Variants in COL8A1 observed in about 807,000 individuals in gnomAD.
COL8A1 encodes the protein collagen alpha-1(VIII) chain.
In COL8A1, 21 loss-of-function variants were observed where a neutral mutation model predicts 42.7. The ratio of observed to expected loss-of-function variants is 0.49; its 90% confidence interval spans 0.35 to 0.71. COL8A1 has a LOEUF of 0.71. Among genes scored for constraint, COL8A1 ranks in the 30% least tolerant of loss-of-function variants. The probability of loss-of-function intolerance (pLI) is 0.01; values close to 1 mark genes in which losing one functional copy is unlikely to be tolerated. For synonymous variants in COL8A1, 367 were observed against 369.1 expected, an observed-to-expected ratio of 0.99 and a Z score of 0.06; for missense variants, 788 against 962.4, an observed-to-expected ratio of 0.82 and a Z score of 2.40.
At chr3:99,792,199 ATACT>A (rs1438447950) in intron 3 of COL8A1, among the ~76,000 whole-genome samples, 1 of 152,256 alleles carries the variant, frequency 6.6e-6, no homozygotes, top group Non-Finnish European at 1.5e-5. Context: ...AGCTAGTATT[ATACT>A]TAGAAGATTA....
intron 1 of COL8A1, among the ~76,000 whole-genome samples, chr3:99,667,777 G>A: frequency 6.6e-6 from 1 of 152,094 alleles, no homozygotes; most frequent in Middle Eastern, 3.2e-3. Context: ...TAAATGGGCA[G>A]GTGGGTAGCT....
At chr3:99,656,487 A>G (rs2107295753) in intron 1 of COL8A1, among the ~76,000 whole-genome samples, 1 of 151,634 alleles carries the variant, frequency 6.6e-6, no homozygotes, top group South Asian at 2.1e-4. Flanking sequence ...ATCTATTTGT[A>G]TAAGAAGAAA....
intron 1 of COL8A1, among the ~76,000 whole-genome samples, chr3:99,723,219 T>C (rs1372093107): frequency 6.6e-6 from 1 of 152,136 alleles, no homozygotes; most frequent in Non-Finnish European, 1.5e-5. Context: ...AAAGATCTTA[T>C]TGGCAGTGAA....
At chr3:99,790,150 TCGTTTTATCATTCTCTGTGCA>T (rs1941972235) in intron 2 of COL8A1, among the ~76,000 whole-genome samples, 1 of 152,226 alleles carries the variant, frequency 6.6e-6, no homozygotes, top group Non-Finnish European at 1.5e-5. Flanking sequence ...TTATTCTAGC[TCGTTTTATCATTCTCTGTGCA>T]CTGCATTCGC....
intron 2 of COL8A1, among the ~76,000 whole-genome samples, chr3:99,773,839 T>TTATATATATATATA (rs1941638516): frequency 1.1e-4 from 3 of 26,904 alleles, no homozygotes; most frequent in Non-Finnish European, 2.3e-4. Context: ...ATATATATAT[T>TTATATATATATATA]TTTTTTTTTT....
chr3:99,758,265 T>C (rs755423709), intron 2 of COL8A1, among the ~76,000 whole-genome samples: 40 of 152,110 alleles, frequency 2.6e-4, no homozygotes, highest in Non-Finnish European at 3.7e-4. Flanking sequence ...TAAAAACCTT[T>C]TTTTTCTTTG....
chr3:99,748,096 T>G (rs1401780521), intron 2 of COL8A1, among the ~76,000 whole-genome samples: 1 of 152,224 alleles, frequency 6.6e-6, no homozygotes, highest in Non-Finnish European at 1.5e-5. Context: ...ATGGCAGTTA[T>G]TAACGATCCC....
chr3:99,729,085 G>C lies in COL8A1; in HGVS notation c.-128-15812G>C, dbSNP rs1940423672. On this transcript the variant is annotated intron_variant, in intron 1 of 3. Transcript: ENST00000652472. ...TCCTCAACAAGAATGAGGAATTCTG[G>C]GAAACATTTGATATATTTCCATCTA... Among the ~76,000 whole-genome samples, 3 of 151,970 alleles carry C rather than the reference G, an allele frequency of 2.0e-5. No homozygotes were observed. In the South Asian group the frequency reaches 6.2e-4, roughly 32 times the overall value.
intron 1 of COL8A1, among the ~76,000 whole-genome samples, chr3:99,711,879 A>G (rs1373750287): frequency 1.3e-5 from 2 of 152,142 alleles, no homozygotes; most frequent in Non-Finnish European, 2.9e-5. Flanking sequence ...CTTCCTAATG[A>G]TGATTTATGT....
intron 1 of COL8A1, among the ~76,000 whole-genome samples, chr3:99,729,261 T>G (rs977547314): frequency 1.2e-4 from 18 of 152,010 alleles, no homozygotes; most frequent in African/African-American, 3.9e-4. Context: ...ATGTTGCTTT[T>G]TCTCAAATTT....
chr3:99,709,039 C>A (rs557557913), intron 1 of COL8A1, among the ~76,000 whole-genome samples: 1 of 150,272 alleles, frequency 6.7e-6, no homozygotes, highest in African/African-American at 2.5e-5. Flanking sequence ...ACCCCCGCCC[C>A]GACCAAGGAA....
At chr3:99,766,416 C>T (rs918175916) in intron 2 of COL8A1, among the ~76,000 whole-genome samples, 1 of 152,194 alleles carries the variant, frequency 6.6e-6, no homozygotes, top group Non-Finnish European at 1.5e-5. Context: ...TAACAGCTCA[C>T]TCAATCCATG....
intron 1 of COL8A1, among the ~76,000 whole-genome samples, chr3:99,727,106 T>C (rs1474851983): frequency 6.6e-6 from 1 of 152,184 alleles, no homozygotes; most frequent in Non-Finnish European, 1.5e-5. Flanking sequence ...TGGTTTGTAG[T>C]TCTCCTTGAA....
At chr3:99,709,072 C>T (rs1939762419) in intron 1 of COL8A1, among the ~76,000 whole-genome samples, 1 of 149,204 alleles carries the variant, frequency 6.7e-6, no homozygotes, top group African/African-American at 2.5e-5. Context: ...TTCTGGCCAT[C>T]TTGGCCCTTT....
At chr3:99,667,948 TTATCTAA>T (rs1437991564) in intron 1 of COL8A1, among the ~76,000 whole-genome samples, 1 of 152,072 alleles carries the variant, frequency 6.6e-6, no homozygotes, top group Non-Finnish European at 1.5e-5. Flanking sequence ...ATAAAAAAAA[TTATCTAA>T]TATGCTTAAT....
rs1022202392 is a variant in COL8A1 at position 99,651,209 on chromosome 3, C to A, written c.-129+12545C>A. On this transcript the variant is annotated intron_variant, in intron 1 of 3. Coordinates refer to ENST00000652472, the MANE Select transcript of COL8A1 (RefSeq NM_020351.4). ...TCCATTATTCATTACCATCTCATTT[C>A]TTTTCCCTTTGGGGAAAAAGCATGG... Among the ~76,000 whole-genome samples, 4 of 151,580 alleles carry A rather than the reference C, an allele frequency of 2.6e-5. No homozygotes were observed. The East Asian group carries it at 5.8e-4, about 22-fold the overall frequency.
chr3:99,661,112 G>C (rs181822763), intron 1 of COL8A1, among the ~76,000 whole-genome samples: 11 of 152,108 alleles, frequency 7.2e-5, no homozygotes, highest in Admixed American at 1.3e-4. Context: ...GTATGTCTTA[G>C]GATATAAAAA....
At chr3:99,776,948 C>G (rs144535536) in intron 2 of COL8A1, among the ~76,000 whole-genome samples, 1 of 152,198 alleles carries the variant, frequency 6.6e-6, no homozygotes, top group Non-Finnish European at 1.5e-5. Context: ...TGCATTATAA[C>G]TAGCATGTAA....
chr3:99,797,279 T>C lies in COL8A1; in HGVS notation c.*1143T>C, dbSNP rs1335657409. ...TCTGAGGTTCCAAAGTCAATTTTTT[T>C]CTTTTTTTTTTGAGATGGAGTCTTA... On this transcript the variant is annotated 3_prime_UTR_variant, in exon 4 of 4. Transcript: ENST00000652472. 1 of 152,030 alleles carries C rather than the reference T, an allele frequency of 6.6e-6. No homozygotes were observed. Among genetic ancestry groups the C allele is most frequent in the Non-Finnish European group, 1.5e-5 (1 of 68,012 alleles). The allele number at this position is 152,030 out of a possible 1,614,324, so 9.4% of individuals were successfully genotyped here. A position where few individuals can be genotyped will look rare whatever the true frequency, so the allele number is the denominator to read the frequency against.
Sources: allele counts gnomAD v4.1 joint callset (sites outside exome capture counted in the v4.1 genomes callset), GRCh38; gene constraint gnomAD v4.1.1; transcripts MANE v1.5; gene names NCBI Gene and HGNC (gene_info 2026-07-23, HGNC 2026-07-21).